The following MROH1 variants were observed in gnomAD, a reference collection of about 807,000 sequenced individuals.
MROH1 encodes the protein maestro heat-like repeat-containing protein family member 1.
In MROH1, 117 loss-of-function variants were observed where a neutral mutation model predicts 116.5. The observed-to-expected ratio is 1.00, with a 90% confidence interval of 0.86 to 1.17. The LOEUF (loss-of-function observed/expected upper bound fraction) is 1.17. Ranked by LOEUF, MROH1 falls within the 50% of genes most tolerant of loss-of-function variation. The pLI, the probability that MROH1 is intolerant of heterozygous loss-of-function variation, is 0.00. For synonymous variants in MROH1, 921 were observed against 583.9 expected (o/e 1.58, Z -8.32); for missense variants, 1,873 against 1,338.5 (o/e 1.40, Z -6.23).
chr8:144,204,361 C>T (rs1464900242), intron 12 of MROH1, among the ~76,000 whole-genome samples: 1 of 152,208 alleles, frequency 6.6e-6, no homozygotes, highest in African/African-American at 2.4e-5. Flanking sequence ...ATCCTCTTTC[C>T]TTGGCCTCCC....
rs1202526680 is a variant in MROH1 at position 144,244,052 on chromosome 8, G to A, written c.2555+110G>A. The A allele has an allele frequency of 9.8e-6, 7 of 715,782 alleles. No individual in the cohort carries two copies. The African/African-American group carries it at 1.2e-4, about 12-fold the overall frequency. 44.3% of individuals were successfully genotyped at this position (715,782 alleles called of 1,614,324 possible). ...TGTGCATGTGCGTGTGTGTGCCTGT[G>A]CTTGCGTGTGTGCACGCCTTGTGTG... On this transcript the variant is annotated intron_variant, in intron 26 of 43. Transcript: ENST00000326134.
chr8:144,228,001 G>T (rs1174565708), intron 14 of MROH1, among the ~76,000 whole-genome samples: 1 of 151,940 alleles, frequency 6.6e-6, no homozygotes, highest in Non-Finnish European at 1.5e-5. Flanking sequence ...GGAGGCTGGG[G>T]CAGGAAAATC....
At chr8:144,233,350 A>C (rs1220831051) in intron 14 of MROH1, among the ~76,000 whole-genome samples, 16 of 83,136 alleles carry the variant, frequency 1.9e-4, no homozygotes, top group East Asian at 6.2e-4. Flanking sequence ...TCCTGCACCC[A>C]CCATCAACCT....
intron 7 of MROH1, among the ~76,000 whole-genome samples, chr8:144,189,295 C>T (rs1692537956): frequency 6.6e-6 from 1 of 152,190 alleles, no homozygotes; most frequent in African/African-American, 2.4e-5. Flanking sequence ...TGCCCTGAAG[C>T]TCATGGTCCC....
At position 144,260,831 on chromosome 8, in the gene MROH1, G is replaced by A; in HGVS notation, c.4535G>A (p.Ser1512Asn). 1 of 777,710 alleles carries A rather than the reference G, an allele frequency of 1.3e-6. No individual in the cohort carries two copies. The highest frequency in any genetic ancestry group is 1.3e-5 in the South Asian group (1 of 74,570). The allele number at this position is 777,710 out of a possible 1,614,324, so 48.2% of individuals were successfully genotyped here. A position where few individuals can be genotyped will look rare whatever the true frequency, so the allele number is the denominator to read the frequency against. Reference protein sequence around the residue: ...HLQDPQATVASACRFALRMCG... With the variant: ...HLQDPQATVANACRFALRMCG... ...CAGGACCCTCAGGCCACCGTGGCCA[G>A]CGTGAGTAGCCAGGGGGTGAGTGGG... Residue 1512 changes from serine (S) to asparagine (N), a missense_variant and splice_region_variant, in exon 40 of 44, where the codon AGC (serine) becomes AAC (asparagine). Transcript: ENST00000326134.
chr8:144,192,219 C>T (rs1828795811), intron 9 of MROH1, 90 bp from the exon 10 acceptor site: 1 of 1,153,908 alleles, frequency 8.7e-7, no homozygotes, highest in Admixed American at 2.4e-5. Context: ...CCATGTCTTC[C>T]TGTGGCCCAA....
intron 4 of MROH1, among the ~76,000 whole-genome samples, chr8:144,170,989 G>C (rs976789747): frequency 6.6e-6 from 1 of 152,192 alleles, no homozygotes; most frequent in Admixed American, 6.5e-5. Context: ...CTTACACCAC[G>C]CAACAATCAA....
chr8:144,202,804 A>G (rs562744985), intron 12 of MROH1, among the ~76,000 whole-genome samples: 15 of 14,532 alleles, frequency 1.0e-3, no homozygotes, highest in East Asian at 5.0e-3. Flanking sequence ...AGGGAAGCGC[A>G]GGCTCTCTGT....
chr8:144,178,742 G>A (rs148258213), intron 4 of MROH1, among the ~76,000 whole-genome samples: 11 of 152,310 alleles, frequency 7.2e-5, no homozygotes, highest in Middle Eastern at 3.4e-3. Flanking sequence ...CAGGGTGGCT[G>A]GGTGCCCCAG....
intron 14 of MROH1, among the ~76,000 whole-genome samples, chr8:144,230,020 C>G (rs1439309976): frequency 6.7e-6 from 1 of 150,218 alleles, no homozygotes; most frequent in Non-Finnish European, 1.5e-5. Flanking sequence ...GGCGACAGAG[C>G]TACACTCTGT....
chr8:144,179,422 C>G (rs774372481), intron 4 of MROH1, 33 bp from the exon 5 acceptor site: 5 of 1,608,288 alleles, frequency 3.1e-6, no homozygotes, highest in Non-Finnish European at 4.3e-6. Flanking sequence ...GTGGGGCTCA[C>G]CTGGGACCGA....
chr8:144,231,907 A>G (rs1387556100), intron 14 of MROH1, among the ~76,000 whole-genome samples: 2 of 152,254 alleles, frequency 1.3e-5, no homozygotes, highest in Admixed American at 6.5e-5. Context: ...TTATTGACAC[A>G]TGATAGATGT....
At chr8:144,159,123 T>C (rs1324341637) in intron 1 of MROH1, among the ~76,000 whole-genome samples, 3 of 152,112 alleles carry the variant, frequency 2.0e-5, no homozygotes, top group African/African-American at 4.8e-5. Flanking sequence ...TTTGGGAGGC[T>C]GAGGTGGGTG....
intron 4 of MROH1, among the ~76,000 whole-genome samples, chr8:144,178,647 G>A (rs1047364283): frequency 5.3e-5 from 8 of 152,206 alleles, no homozygotes; most frequent in Non-Finnish European, 8.8e-5. Context: ...GCCCTGTGCC[G>A]GCCATGTTGC....
intron 1 of MROH1, among the ~76,000 whole-genome samples, chr8:144,158,066 C>T (rs1818610788): frequency 6.9e-6 from 1 of 144,856 alleles, no homozygotes; most frequent in Admixed American, 7.1e-5. Flanking sequence ...TATCTTGGCT[C>T]ACTGCAAACT....
At chr8:144,249,789 C>T (rs1210134125) in intron 32 of MROH1, among the ~76,000 whole-genome samples, 4 of 152,248 alleles carry the variant, frequency 2.6e-5, no homozygotes, top group Non-Finnish European at 5.9e-5. Flanking sequence ...CGCCACGTCC[C>T]CAGCCCAGCT....
chr8:144,223,026 G>T, intron 13 of MROH1, 82 bp from the exon 14 acceptor site: 1 of 1,576,176 alleles, frequency 6.3e-7, no homozygotes, highest in Non-Finnish European at 8.6e-7. Context: ...GTGGGAGGAA[G>T]ACTGAGGTTC....
At chr8:144,232,470 GTTTGTTTA>G (rs1839090076) in intron 14 of MROH1, among the ~76,000 whole-genome samples, 2 of 148,424 alleles carry the variant, frequency 1.3e-5, no homozygotes, top group South Asian at 2.1e-4. Flanking sequence ...TGCTTTGTTT[GTTTGTTTA>G]TTTATTTATT....
chr8:144,245,323 G>A (rs1841703452), intron 29 of MROH1, 63 bp downstream of exon 29: 2 of 764,366 alleles, frequency 2.6e-6, no homozygotes, highest in Non-Finnish European at 4.8e-6. Flanking sequence ...CAGAGTGTGA[G>A]CTGCCTTCCT....
Sources: allele counts gnomAD v4.1 joint callset (sites outside exome capture counted in the v4.1 genomes callset), GRCh38; gene constraint gnomAD v4.1.1; transcripts MANE v1.5; gene names NCBI Gene and HGNC (gene_info 2026-07-23, HGNC 2026-07-21).